The following STON2 variants were observed in gnomAD, a reference collection of about 807,000 sequenced individuals.
The protein encoded by STON2 is stonin 2, also known as stonin-2.
STON2 carries 29 observed loss-of-function variants against 65.7 expected under a neutral mutation model. The ratio of observed to expected loss-of-function variants is 0.44; its 90% CI spans 0.33 to 0.60. The LOEUF is 0.60. STON2 is among the 20% of genes least tolerant of loss of function. The pLI is 0.03. For missense variants in STON2, 1,054 were observed against 1,118.1 expected, an observed-to-expected ratio of 0.94 and a Z score of 0.82; for synonymous variants, 404 against 414.2, an observed-to-expected ratio of 0.98 and a Z score of 0.30.
Position 81,268,171 on chromosome 14 carries a change from G to A in STON2, c.*243C>T. ...ATTATACAGTAAGCTCCAACAGTCA[G>A]GTGAACCTCGTGCTTTAGGCATGAC... On this transcript the variant is annotated 3_prime_UTR_variant, in exon 8 of 8. Transcript: ENST00000614646. 2.7e-6 allele frequency: 3 copies of A among 1,123,036 alleles called. No homozygotes were observed. Among genetic ancestry groups the A allele is most frequent in the Non-Finnish European group, 3.3e-6 (3 of 909,894 alleles). The allele number at this position is 1,123,036 out of a possible 1,614,324, so 69.6% of individuals were successfully genotyped here. A position where few individuals can be genotyped will look rare whatever the true frequency, so the allele number is the denominator to read the frequency against.
chr14:81,426,382 T>C (rs925719459), intron 2 of STON2, among the ~76,000 whole-genome samples: 1 of 152,242 alleles, frequency 6.6e-6, no homozygotes, highest in Admixed American at 6.5e-5. Flanking sequence ...GAAGCTGGCA[T>C]GTCCCCTGAT....
chr14:81,313,724 G>T (rs1423836439), intron 5 of STON2, among the ~76,000 whole-genome samples: 3 of 151,468 alleles, frequency 2.0e-5, no homozygotes, highest in Non-Finnish European at 4.4e-5. Flanking sequence ...GAACCCGGGA[G>T]GCAGATGTTG....
intron 5 of STON2, among the ~76,000 whole-genome samples, chr14:81,281,436 T>C (rs1251563661): frequency 6.6e-6 from 1 of 152,214 alleles, no homozygotes; most frequent in Non-Finnish European, 1.5e-5. Context: ...ATGAGGCAGC[T>C]CTAGAGAGCC....
chr14:81,432,121 T>G (rs1029557836), intron 1 of STON2, among the ~76,000 whole-genome samples: 1 of 152,142 alleles, frequency 6.6e-6, no homozygotes, highest in Non-Finnish European at 1.5e-5. Context: ...GGTAAACCAC[T>G]GGTTTATTGG....
intron 4 of STON2, among the ~76,000 whole-genome samples, chr14:81,324,953 TTA>T (rs1429561697): frequency 6.6e-6 from 1 of 152,158 alleles, no homozygotes; most frequent in Non-Finnish European, 1.5e-5. Flanking sequence ...AAAAATGTGC[TTA>T]TGAGGGAGGA....
At position 81,262,981 on chromosome 14, in the gene STON2, T is replaced by C; in HGVS notation, c.*5433A>G. 6 of 985,446 alleles carry C rather than the reference T, an allele frequency of 6.1e-6. No individual in the cohort carries two copies. The highest frequency in any genetic ancestry group is 7.2e-6 in the Non-Finnish European group (6 of 829,900). 61.0% of individuals were successfully genotyped at this position (985,446 alleles called of 1,614,324 possible). ...TTAGCACTTAGACCTTGGTAATGTT[T>C]AGAAATCATCTTTAGAAACTTGGTG... On this transcript the variant is annotated 3_prime_UTR_variant, in exon 8 of 8. Transcript: ENST00000614646.
chr14:81,355,717 C>T (rs1455720397), intron 4 of STON2, among the ~76,000 whole-genome samples: 2 of 152,156 alleles, frequency 1.3e-5, no homozygotes, highest in East Asian at 3.9e-4. Context: ...GCACAAAACC[C>T]TTCACGTCCC....
rs544585436 is a variant in STON2, at chr14:81,371,904, T to C, written c.374-719A>G. 1.3e-3 allele frequency among the ~76,000 whole-genome samples: 205 copies of C among 152,204 alleles called. 4 individuals are homozygous for C. The highest frequency in any genetic ancestry group is 2.3e-3 in the South Asian group (11 of 4,824). On this transcript the variant is annotated intron_variant, in intron 3 of 7. Transcript: ENST00000614646. ...AAACTCACCAATTTACACTGAAACA[T>C]TAGAGCCAGTTTAGGTTAAAGGATA...
At chr14:81,375,233 C>T (rs57670850) in intron 3 of STON2, among the ~76,000 whole-genome samples, 41,191 of 151,604 alleles carry the variant, frequency 0.27, 6,043 homozygotes, top group South Asian at 0.34. Flanking sequence ...AGAAATAAAA[C>T]TATATCAGTA....
At chr14:81,281,775 T>C (rs939484753) in intron 5 of STON2, among the ~76,000 whole-genome samples, 3 of 152,362 alleles carry the variant, frequency 2.0e-5, no homozygotes, top group South Asian at 2.1e-4. Flanking sequence ...CTAAACAGTT[T>C]TGAAGCATTA....
chr14:81,267,375 A>G lies in STON2; in HGVS notation c.*1039T>C. 2 of 985,414 alleles carry G rather than the reference A, an allele frequency of 2.0e-6. No individual in the cohort carries two copies. The highest frequency in any genetic ancestry group is 2.4e-6 in the Non-Finnish European group (2 of 829,926). 61.0% of individuals were successfully genotyped at this position (985,414 alleles called of 1,614,324 possible). A position where few individuals can be genotyped will look rare whatever the true frequency, so the allele number is the denominator to read the frequency against. ...TTATCAAACTCTGAATTTTGGGGGAAAGCTCATTCAAGCTTAATTTTAAAA... is the reference window on the plus strand; with the variant it reads ...TTATCAAACTCTGAATTTTGGGGGAGAGCTCATTCAAGCTTAATTTTAAAA... On this transcript the variant is annotated 3_prime_UTR_variant, in exon 8 of 8. Transcript: ENST00000614646.
intron 5 of STON2, among the ~76,000 whole-genome samples, chr14:81,283,250 T>C (rs1477198719): frequency 6.6e-6 from 1 of 152,170 alleles, no homozygotes; most frequent in African/African-American, 2.4e-5. Context: ...GTGATTTCAG[T>C]AGTAGTCAAA....
In STON2 at chr14:81,335,019, TTG is replaced by T. The variant is rs61658924; in HGVS notation, c.572-10834_572-10833del. On this transcript the variant is annotated intron_variant, in intron 4 of 7. Coordinates refer to ENST00000614646, the MANE Select transcript of STON2 (RefSeq NM_001394390.1). ...CGCCTGGCTAATTTTTTTTTTGTATTTGTGTGTGTGTGTGTGTGTGTGTGTGT... is the reference window on the plus strand; with the variant it reads ...CGCCTGGCTAATTTTTTTTTTGTATTTGTGTGTGTGTGTGTGTGTGTGTGT... Among the ~76,000 whole-genome samples the T allele has an allele frequency of 6.6e-3, 967 of 146,366 alleles. 12 individuals carry two copies. The highest frequency in any genetic ancestry group is 0.031 in the East Asian group (151 of 4,838).
rs1291299276 is a variant in STON2 at position 81,366,325 on chromosome 14, G to A, written c.571+4663C>T. 1.3e-5 allele frequency among the ~76,000 whole-genome samples: 2 copies of A among 152,154 alleles called. 1 individual carries two copies. The highest frequency in any genetic ancestry group is 4.8e-5 in the African/African-American group (2 of 41,428). ...CTCTGCCGCAGATGACAGGGAAGAGGCTGTGGCTCTGCTCTCGGCAGCCCA... is the reference window on the plus strand; with the variant it reads ...CTCTGCCGCAGATGACAGGGAAGAGACTGTGGCTCTGCTCTCGGCAGCCCA... On this transcript the variant is annotated intron_variant, in intron 4 of 7. Transcript: ENST00000614646.
chr14:81,347,257 A>G (rs562443608), intron 4 of STON2, among the ~76,000 whole-genome samples: 2 of 152,234 alleles, frequency 1.3e-5, no homozygotes, highest in African/African-American at 4.8e-5. Flanking sequence ...AACCAAAAAT[A>G]CACAAATAAA....
intron 4 of STON2, among the ~76,000 whole-genome samples, chr14:81,339,044 A>G (rs1312554378): frequency 4.6e-5 from 7 of 151,912 alleles, no homozygotes; most frequent in Admixed American, 4.6e-4. Flanking sequence ...TGAAGAGGAC[A>G]TTCGATAGAG....
At chr14:81,396,223 C>T (rs1302888940) in intron 2 of STON2, 45 bp from the exon 3 acceptor site, 17 of 1,543,694 alleles carry the variant, frequency 1.1e-5, no homozygotes, top group Non-Finnish European at 1.4e-5. Context: ...GAAGGCCGCT[C>T]TTCAGAGCCA....
upstream of STON2, among the ~76,000 whole-genome samples, chr14:81,402,076 G>A (rs768024145): frequency 6.6e-6 from 1 of 152,190 alleles, no homozygotes; most frequent in African/African-American, 2.4e-5. Flanking sequence ...GTATCTACTG[G>A]GGGAATATGG....
intron 5 of STON2, among the ~76,000 whole-genome samples, chr14:81,320,262 T>C (rs1272293245): frequency 6.6e-6 from 1 of 150,838 alleles, no homozygotes; most frequent in East Asian, 2.0e-4. Flanking sequence ...GACCTGGGCT[T>C]GGAACTGACA....
Sources: gnomAD v4.1 joint callset for allele counts (sites outside exome capture counted in the v4.1 genomes callset) on GRCh38, gnomAD v4.1.1 for gene constraint, MANE v1.5 for transcripts, NCBI Gene and HGNC (gene_info 2026-07-23, HGNC 2026-07-21) for gene names.